The following GABRG3 variants were observed in gnomAD, a reference collection of about 807,000 sequenced individuals.
The protein encoded by GABRG3 is gamma-aminobutyric acid receptor subunit gamma-3.
GABRG3 carries 25 observed loss-of-function variants against 48.8 expected under a neutral mutation model. That is an observed-to-expected ratio of 0.51 (90% CI 0.37 to 0.72). The LOEUF (loss-of-function observed/expected upper bound fraction) is 0.72, where lower values mean the gene tolerates loss of function less well. GABRG3 is among the 30% of genes least tolerant of loss of function. The pLI is 0.00. For missense variants in GABRG3, 394 were observed against 577.9 expected (o/e 0.68, Z 3.26); for synonymous variants, 227 against 217.6 (o/e 1.04, Z -0.38).
At chr15:27,252,531 T>TC (rs1194921057) in intron 3 of GABRG3, among the ~76,000 whole-genome samples, 12 of 152,324 alleles carry the variant, frequency 7.9e-5, no homozygotes, top group African/African-American at 2.9e-4. Flanking sequence ...AGCCAGGGGA[T>TC]ACTAGCGCCG....
chr15:27,235,186 C>G (rs1421239312), intron 3 of GABRG3, among the ~76,000 whole-genome samples: 5 of 152,218 alleles, frequency 3.3e-5, no homozygotes, highest in African/African-American at 9.7e-5. Flanking sequence ...AATTTAAACT[C>G]TTTTCACATT....
At chr15:27,215,514 C>A (rs1263457327) in intron 3 of GABRG3, among the ~76,000 whole-genome samples, 1 of 152,198 alleles carries the variant, frequency 6.6e-6, no homozygotes, top group Admixed American at 6.5e-5. Flanking sequence ...GGCTCTATGT[C>A]TAACCTTAAT....
chr15:27,397,135 T>G (rs1357429308), intron 5 of GABRG3, among the ~76,000 whole-genome samples: 3 of 152,202 alleles, frequency 2.0e-5, no homozygotes, highest in Non-Finnish European at 4.4e-5. Context: ...AAGTTCATAC[T>G]TCAACAAATG....
intron 3 of GABRG3, among the ~76,000 whole-genome samples, chr15:27,199,584 G>T (rs563811920): frequency 1.3e-5 from 2 of 152,192 alleles, no homozygotes; most frequent in African/African-American, 2.4e-5. Flanking sequence ...CTTGTTCTAT[G>T]AGTTTACGAG....
intron 3 of GABRG3, among the ~76,000 whole-genome samples, chr15:27,233,316 C>T (rs562909728): frequency 6.6e-5 from 10 of 152,090 alleles, no homozygotes; most frequent in Non-Finnish European, 1.3e-4. Context: ...AAAAAGTGGA[C>T]AAGGGTGTCT....
chr15:27,485,112 C>T (rs756597892), intron 6 of GABRG3, among the ~76,000 whole-genome samples: 10 of 152,138 alleles, frequency 6.6e-5, no homozygotes, highest in Non-Finnish European at 1.3e-4. Flanking sequence ...CTGGTGAACA[C>T]CACTTGGCCA....
intron 5 of GABRG3, among the ~76,000 whole-genome samples, chr15:27,393,084 G>A (rs987666160): frequency 6.6e-6 from 1 of 152,152 alleles, no homozygotes; most frequent in Non-Finnish European, 1.5e-5. Context: ...AGTGGCTCAT[G>A]CCTGTAATCC....
intron 3 of GABRG3, among the ~76,000 whole-genome samples, chr15:27,265,427 TTATC>T (rs760335306): frequency 6.6e-6 from 1 of 152,182 alleles, no homozygotes; most frequent in Non-Finnish European, 1.5e-5. Flanking sequence ...TAAAAATCCT[TTATC>T]TAAATACTCA....
intron 3 of GABRG3, among the ~76,000 whole-genome samples, chr15:27,028,583 G>A (rs563842092): frequency 1.6e-4 from 24 of 152,092 alleles, no homozygotes; most frequent in African/African-American, 5.8e-4. Flanking sequence ...GAGGCAGGCA[G>A]ATCACAAGGT....
At chr15:27,525,967 A>AAAATG (rs1299687649) in intron 7 of GABRG3, among the ~76,000 whole-genome samples, 5 of 151,660 alleles carry the variant, frequency 3.3e-5, no homozygotes, top group African/African-American at 1.2e-4. Flanking sequence ...TAAATAAAAT[A>AAAATG]ATTTTTTTCT....
intron 3 of GABRG3, among the ~76,000 whole-genome samples, chr15:27,281,819 T>G (rs1052376435): frequency 1.3e-5 from 2 of 152,078 alleles, no homozygotes; most frequent in African/African-American, 4.8e-5. Context: ...TCTATTATAT[T>G]TACCCATATT....
rs548893357 is a variant in GABRG3 at position 27,251,889 on chromosome 15, G to A, written c.271-74920G>A. On this transcript the variant is annotated intron_variant, in intron 3 of 9. Coordinates refer to ENST00000615808, the MANE Select transcript of GABRG3 (RefSeq NM_033223.5). ...CTGCCTCTGCCGCCTCTGATAGCCC[G>A]GGCCTGCGTCCTTGCCACAGTCAGA... is the stretch of plus-strand genomic sequence containing the variant. 5.9e-5 allele frequency among the ~76,000 whole-genome samples: 9 copies of A among 152,298 alleles called. No individual in the cohort carries two copies. The South Asian group carries it at 8.3e-4, about 14-fold the overall frequency.
intron 7 of GABRG3, among the ~76,000 whole-genome samples, chr15:27,522,254 A>C (rs1316143397): frequency 6.6e-6 from 1 of 151,962 alleles, no homozygotes; most frequent in Non-Finnish European, 1.5e-5. Flanking sequence ...TATACTTCAA[A>C]AATTTCATCA....
At chr15:27,217,383 C>T (rs146731732) in intron 3 of GABRG3, among the ~76,000 whole-genome samples, 6 of 152,304 alleles carry the variant, frequency 3.9e-5, no homozygotes, top group East Asian at 3.9e-4. Context: ...AGGTATCTGA[C>T]GGAGAGCTTG....
chr15:27,435,572 AG>A (rs945760882), intron 5 of GABRG3, among the ~76,000 whole-genome samples: 3 of 152,298 alleles, frequency 2.0e-5, no homozygotes, highest in African/African-American at 7.2e-5. Flanking sequence ...ACCAGAATAT[AG>A]GTGCTCAATA....
intron 3 of GABRG3, among the ~76,000 whole-genome samples, chr15:27,035,348 T>C (rs1896157814): frequency 6.6e-6 from 1 of 152,214 alleles, no homozygotes; most frequent in East Asian, 1.9e-4. Flanking sequence ...GAGATGTCGG[T>C]AATCATGATA....
chr15:26,988,068 A>G (rs550780851), intron 2 of GABRG3, among the ~76,000 whole-genome samples: 2 of 152,320 alleles, frequency 1.3e-5, no homozygotes, highest in African/African-American at 2.4e-5. Context: ...GAGCTGTTTT[A>G]TGGCACAGAA....
Position 26,971,488 on chromosome 15 carries a change from C to T in GABRG3, c.-48C>T. The T allele has an allele frequency of 6.9e-7, 1 of 1,446,316 alleles. No individual in the cohort carries two copies. Among genetic ancestry groups the T allele is most frequent in the Non-Finnish European group, 9.2e-7 (1 of 1,090,590 alleles). 89.6% of individuals were successfully genotyped at this position (1,446,316 alleles called of 1,614,324 possible). On this transcript the variant is annotated 5_prime_UTR_variant, in exon 1 of 10. Transcript: ENST00000615808. ...AGACCAGGTCCGCGCCGGAGGAAGCCGCGCCCGGCCGAGGCCCCGGACCCT... is the reference window on the plus strand; with the variant it reads ...AGACCAGGTCCGCGCCGGAGGAAGCTGCGCCCGGCCGAGGCCCCGGACCCT...
chr15:27,059,424 T>C (rs1455108087), intron 3 of GABRG3, among the ~76,000 whole-genome samples: 2 of 152,242 alleles, frequency 1.3e-5, no homozygotes, highest in Non-Finnish European at 2.9e-5. Context: ...TGTTATTTTA[T>C]AAGCTGAATC....
Sources: gnomAD v4.1 joint callset for allele counts (sites outside exome capture counted in the v4.1 genomes callset) on GRCh38, gnomAD v4.1.1 for gene constraint, MANE v1.5 for transcripts, NCBI Gene and HGNC (gene_info 2026-07-23, HGNC 2026-07-21) for gene names.